Variants in DLGAP2 observed in about 807,000 individuals in gnomAD.
DLGAP2 encodes the protein disks large-associated protein 2.
DLGAP2 carries 26 observed loss-of-function variants against 100.3 expected under a neutral mutation model. That is an observed-to-expected ratio of 0.26 (90% CI 0.19 to 0.36). The LOEUF is 0.36. Among genes scored for constraint, DLGAP2 ranks in the 10% least tolerant of loss-of-function variants. DLGAP2 has a pLI of 1.00. For missense variants in DLGAP2, 1,858 were observed against 1,453.2 expected, an observed-to-expected ratio of 1.28 and a Z score of -4.53; for synonymous variants, 886 against 630.1, an observed-to-expected ratio of 1.41 and a Z score of -6.08.
chr8:1,114,813 C>G (rs1253849793), intron 2 of DLGAP2, among the ~76,000 whole-genome samples: 2 of 152,186 alleles, frequency 1.3e-5, no homozygotes, highest in Non-Finnish European at 2.9e-5. Flanking sequence ...ATCTTTCCAA[C>G]TTTTTGATGT....
rs149053744 is a variant in DLGAP2, at chr8:1,225,936, T to C, written c.74-32915T>C. ...AACATCATGCTGTATGCTGTAAATATATATATAATTTTTCCTTTTCATTTT... is the reference window on the plus strand; with the variant it reads ...AACATCATGCTGTATGCTGTAAATACATATATAATTTTTCCTTTTCATTTT... On this transcript the variant is annotated intron_variant, in intron 2 of 14. Transcript: ENST00000637795. Among the ~76,000 whole-genome samples the C allele has an allele frequency of 9.8e-5, 15 of 152,314 alleles. No individual in the cohort carries two copies. In the East Asian group the frequency reaches 2.5e-3, roughly 25 times the overall value.
At chr8:1,671,881 C>G (rs1798699158) in intron 10 of DLGAP2, among the ~76,000 whole-genome samples, 1 of 152,234 alleles carries the variant, frequency 6.6e-6, no homozygotes, top group Admixed American at 6.5e-5. Flanking sequence ...CACTCATAGG[C>G]CAGTCCTAGG....
At chr8:1,441,701 A>C (rs1228492843) in intron 3 of DLGAP2, among the ~76,000 whole-genome samples, 1 of 151,190 alleles carries the variant, frequency 6.6e-6, no homozygotes, top group Non-Finnish European at 1.5e-5. Context: ...AAAAAAAAAA[A>C]AGTAAAACTC....
intron 3 of DLGAP2, among the ~76,000 whole-genome samples, chr8:1,431,816 T>G (rs1208904994): frequency 6.6e-6 from 1 of 152,212 alleles, no homozygotes; most frequent in African/African-American, 2.4e-5. Flanking sequence ...ACAGGGACTC[T>G]TCTGATGCCT....
At chr8:844,060 G>C (rs1269176536) in intron 1 of DLGAP2, among the ~76,000 whole-genome samples, 1 of 152,168 alleles carries the variant, frequency 6.6e-6, no homozygotes, top group East Asian at 1.9e-4. Flanking sequence ...TTTTGATATG[G>C]AGTGCTCTAC....
At chr8:1,173,137 A>G (rs1797166846) in intron 2 of DLGAP2, among the ~76,000 whole-genome samples, 1 of 152,188 alleles carries the variant, frequency 6.6e-6, no homozygotes, top group African/African-American at 2.4e-5. Flanking sequence ...GGAGTTTGCT[A>G]GAGGTCCACT....
chr8:1,231,254 T>C (rs770862412), intron 2 of DLGAP2, among the ~76,000 whole-genome samples: 1 of 152,174 alleles, frequency 6.6e-6, no homozygotes, highest in Non-Finnish European at 1.5e-5. Context: ...ATATCTCTAA[T>C]TGTTATAGAA....
At chr8:885,851 C>T (rs1393144054) in intron 1 of DLGAP2, among the ~76,000 whole-genome samples, 1 of 152,116 alleles carries the variant, frequency 6.6e-6, no homozygotes. Context: ...GAATATTGGC[C>T]TGAAGTTTTC....
chr8:759,155 ACCCCCCACAGCCTTCCCGTTATCAAT>A, intron 1 of DLGAP2, among the ~76,000 whole-genome samples: 1 of 69,496 alleles, frequency 1.4e-5, no homozygotes, highest in African/African-American at 4.1e-5. Context: ...CATTATCAAT[ACCCCCCACAGCCTTCCCGTTATCAAT>A]ACCCCCGACA....
rs77404326 is a variant in DLGAP2 at position 786,122 on chromosome 8, T to C, written c.18+48297T>C. Among the ~76,000 whole-genome samples, 630 of 152,272 alleles carry C rather than the reference T, an allele frequency of 4.1e-3. 4 individuals are homozygous for C. Among genetic ancestry groups the C allele is most frequent in the African/African-American group, 0.014 (598 of 41,566 alleles). On this transcript the variant is annotated intron_variant, in intron 1 of 14. Transcript: ENST00000637795. ...CTTTGCGAAACACCCATGCCTGAGC[T>C]TAGCTCAGCTGGGCCGGCGCAGGGG... is the stretch of plus-strand genomic sequence containing the variant.
At chr8:1,408,220 C>G (rs112822712) in intron 3 of DLGAP2, among the ~76,000 whole-genome samples, 96 of 152,346 alleles carry the variant, frequency 6.3e-4, no homozygotes, top group African/African-American at 2.1e-3. Flanking sequence ...GCTCTTTCCA[C>G]CTGCCTCACT....
intron 2 of DLGAP2, among the ~76,000 whole-genome samples, chr8:963,653 C>A (rs1176631878): frequency 1.3e-5 from 2 of 151,890 alleles, no homozygotes; most frequent in Non-Finnish European, 2.9e-5. Flanking sequence ...TGGTTGGTGA[C>A]CCCCAGGACC....
At chr8:1,341,108 G>GC (rs1801406966) in intron 3 of DLGAP2, among the ~76,000 whole-genome samples, 1 of 152,076 alleles carries the variant, frequency 6.6e-6, no homozygotes, top group Non-Finnish European at 1.5e-5. Context: ...GGAGGGAGAG[G>GC]ATCAGGAAAG....
intron 1 of DLGAP2, among the ~76,000 whole-genome samples, chr8:772,037 G>C (rs1821377332): frequency 1.3e-5 from 2 of 151,988 alleles, no homozygotes; most frequent in South Asian, 4.2e-4. Context: ...CGAGTAGCTG[G>C]GACTAAGGCA....
intron 8 of DLGAP2, among the ~76,000 whole-genome samples, chr8:1,645,320 C>T (rs1231134207): frequency 2.6e-5 from 4 of 152,266 alleles, no homozygotes; most frequent in African/African-American, 7.2e-5. Context: ...TCCATGAATT[C>T]GAGGAGATAG....
chr8:778,746 C>G (rs1007920668), intron 1 of DLGAP2, among the ~76,000 whole-genome samples: 2 of 152,248 alleles, frequency 1.3e-5, no homozygotes, highest in Non-Finnish European at 1.5e-5. Context: ...CTCTTCAAAG[C>G]TGTCAGACAG....
At chr8:1,317,641 C>T (rs866220378) in intron 3 of DLGAP2, among the ~76,000 whole-genome samples, 1 of 131,468 alleles carries the variant, frequency 7.6e-6, no homozygotes, top group South Asian at 2.5e-4. Flanking sequence ...ACACTCGAGA[C>T]ACTCGGCAGC....
At position 1,070,046 on chromosome 8, in the gene DLGAP2, A is replaced by G. The variant is rs556776677; in HGVS notation, c.73+162080A>G. Among the ~76,000 whole-genome samples, 8 of 152,338 alleles carry G rather than the reference A, an allele frequency of 5.3e-5. No homozygotes were observed. In the South Asian group the frequency reaches 1.0e-3, roughly 20 times the overall value. On this transcript the variant is annotated intron_variant, in intron 2 of 14. Transcript: ENST00000637795. Reference sequence around the variant, plus strand: ...GGACTTAAAAGTATGTGTTTCTGGCACTGTGCATATTCAAACATTCTTTTC... The same window carrying G: ...GGACTTAAAAGTATGTGTTTCTGGCGCTGTGCATATTCAAACATTCTTTTC...
intron 8 of DLGAP2, among the ~76,000 whole-genome samples, chr8:1,636,601 T>C (rs887302436): frequency 5.3e-5 from 8 of 152,228 alleles, no homozygotes; most frequent in Admixed American, 1.3e-4. Flanking sequence ...ATTCTCCCAT[T>C]TTTAGTCTTT....
Sources: allele counts gnomAD v4.1 joint callset (sites outside exome capture counted in the v4.1 genomes callset), GRCh38; gene constraint gnomAD v4.1.1; transcripts MANE v1.5; gene names NCBI Gene and HGNC (gene_info 2026-07-23, HGNC 2026-07-21).